Variants in DOCK7 observed in about 807,000 individuals in gnomAD.
DOCK7 encodes the protein dedicator of cytokinesis protein 7.
A neutral mutation model predicts 271.0 loss-of-function variants in DOCK7; 138 were observed. The observed-to-expected ratio is 0.51, with a 90% CI of 0.44 to 0.59. The LOEUF is 0.59. Among genes scored for constraint, DOCK7 ranks in the 20% least tolerant of loss-of-function variants. The pLI is 0.00. For missense variants in DOCK7, 2,066 were observed against 2,592.4 expected (o/e 0.80, Z 4.41); for synonymous variants, 823 against 876.1 (o/e 0.94, Z 1.07).
At position 62,543,567 on chromosome 1, in the gene DOCK7, T is replaced by A. The variant is rs879241832; in HGVS notation, c.2949+89A>T. The A allele has an allele frequency of 6.4e-6, 6 of 939,138 alleles. No homozygotes were observed. In the South Asian group the frequency reaches 8.6e-5, roughly 14 times the overall value. 58.2% of individuals were successfully genotyped at this position (939,138 alleles called of 1,614,324 possible). A position where few individuals can be genotyped will look rare whatever the true frequency, so the allele number is the denominator to read the frequency against. ...AAGCACAATGCAATTACTGTAAGTA[T>A]CTCATACTGGTTATGTAAAGAAATC... On this transcript the variant is annotated intron_variant, in intron 24 of 49. Coordinates refer to ENST00000635253, the MANE Select transcript of DOCK7 (RefSeq NM_001367561.1).
At chr1:62,673,598 T>C (rs770047832) in intron 1 of DOCK7, among the ~76,000 whole-genome samples, 3 of 152,178 alleles carry the variant, frequency 2.0e-5, no homozygotes, top group Non-Finnish European at 4.4e-5. Context: ...CCTAAAAGGA[T>C]ATAAATTTAT....
intron 14 of DOCK7, chr1:62,604,859 C>A: frequency 6.5e-7 from 1 of 1,549,434 alleles, no homozygotes; most frequent in Non-Finnish European, 8.8e-7. Context: ...ACATTAACCT[C>A]ATTCCAAGTT....
At chr1:62,542,299 A>G (rs1184071607) in intron 25 of DOCK7, among the ~76,000 whole-genome samples, 1 of 152,176 alleles carries the variant, frequency 6.6e-6, no homozygotes, top group Non-Finnish European at 1.5e-5. Context: ...CAATACTGTC[A>G]TTATACACTT....
At chr1:62,627,250 A>T (rs1311660676) in intron 11 of DOCK7, among the ~76,000 whole-genome samples, 1 of 152,210 alleles carries the variant, frequency 6.6e-6, no homozygotes, top group Non-Finnish European at 1.5e-5. Context: ...ACCAAAATAC[A>T]TCTATGAAAA....
In DOCK7 at chr1:62,636,575, C is replaced by A. The variant is rs759307230; in HGVS notation, c.847G>T (p.Ala283Ser). 1.2e-6 allele frequency: 2 copies of A among 1,601,440 alleles called. No homozygotes were observed. Among genetic ancestry groups the A allele is most frequent in the Non-Finnish European group, 8.5e-7 (1 of 1,172,656 alleles). Residue 283 changes from alanine to serine, a missense_variant, in exon 8 of 50, where the codon GCA becomes TCA. Ala to Ser is a moderately conservative substitution (Grantham distance 99). Transcript: ENST00000635253. The stretch of plus-strand genomic sequence containing the variant: ...TTGACATCATATAAAGCCAAACTTG[C>A]AAAAATGGGTTCAATTTCAATTTCA... ...KFEIEIEPIF[A>S]SLALYDVKEK...
chr1:62,653,298 A>T (rs1657601688), intron 4 of DOCK7, among the ~76,000 whole-genome samples: 1 of 152,230 alleles, frequency 6.6e-6, no homozygotes, highest in Non-Finnish European at 1.5e-5. Flanking sequence ...AAGACCTATA[A>T]ATATTAGTTA....
At position 62,455,333 on chromosome 1, in the gene DOCK7, A is replaced by T. The variant is rs559461705; in HGVS notation, c.*81T>A. The T allele has an allele frequency of 2.8e-6, 4 of 1,438,380 alleles. No homozygotes were observed. In the South Asian group the frequency reaches 3.5e-5, roughly 12 times the overall value. 89.1% of individuals were successfully genotyped at this position (1,438,380 alleles called of 1,614,324 possible). A position where few individuals can be genotyped will look rare whatever the true frequency, so the allele number is the denominator to read the frequency against. On this transcript the variant is annotated 3_prime_UTR_variant, in exon 50 of 50. Transcript: ENST00000635253. ...ATAATAATTTCCAGAATTCCATTCC[A>T]TGTTGTTTTCCAATAGATCTTTTCA...
chr1:62,549,818 A>G (rs905647435), intron 22 of DOCK7, among the ~76,000 whole-genome samples: 4 of 151,898 alleles, frequency 2.6e-5, no homozygotes, highest in Non-Finnish European at 4.4e-5. Context: ...CCCTCCTAAC[A>G]CCCACTGCCC....
intron 34 of DOCK7, among the ~76,000 whole-genome samples, chr1:62,510,111 T>G (rs1052735964): frequency 6.6e-6 from 1 of 152,212 alleles, no homozygotes; most frequent in Admixed American, 6.5e-5. Context: ...AGAAGATTCA[T>G]GTAAGTGTAT....
At chr1:62,483,209 T>TTTTTTTTTTTTTCTG (rs1217235928) in intron 43 of DOCK7, 1 of 74,400 alleles carries the variant, frequency 1.3e-5, no homozygotes. Flanking sequence ...TTTTTTTTTT[T>TTTTTTTTTTTTTCTG]TTGGGTAGAG....
At chr1:62,579,942 T>C (rs1253587966) in intron 16 of DOCK7, among the ~76,000 whole-genome samples, 5 of 152,098 alleles carry the variant, frequency 3.3e-5, no homozygotes, top group African/African-American at 7.2e-5. Context: ...CCAATGACAC[T>C]TTCTTCTCAA....
intron 1 of DOCK7, among the ~76,000 whole-genome samples, chr1:62,665,955 A>G (rs1172546642): frequency 6.6e-6 from 1 of 151,962 alleles, no homozygotes; most frequent in Non-Finnish European, 1.5e-5. Flanking sequence ...CAAGGTCATG[A>G]GATCAGGACC....
intron 21 of DOCK7, 58 bp from the exon 22 acceptor site, chr1:62,552,959 A>C (rs1645960266): frequency 5.3e-6 from 7 of 1,308,872 alleles, no homozygotes; most frequent in Non-Finnish European, 6.0e-6. Flanking sequence ...AAAGGATCTG[A>C]AAAAAAATCT....
chr1:62,534,024 A>G (rs1645260315), intron 29 of DOCK7, among the ~76,000 whole-genome samples: 1 of 151,484 alleles, frequency 6.6e-6, no homozygotes, highest in Non-Finnish European at 1.5e-5. Context: ...TTTGAGATGA[A>G]GTCTTGCTCT....
chr1:62,633,547 C>T lies in DOCK7; in HGVS notation c.1067G>A (p.Gly356Glu). The T allele has an allele frequency of 6.2e-7, 1 of 1,613,248 alleles. No individual in the cohort carries two copies. The highest frequency in any genetic ancestry group is 8.5e-7 in the Non-Finnish European group (1 of 1,179,646). ...AATCATATATGGTTCTGCACACTCT[C>T]CAATGTCTCCTTGCTGTAGGACTTT... ...LEKVLQQGDIGECAEPYMIFK... is the reference protein window; with the variant it reads ...LEKVLQQGDIEECAEPYMIFK... The change falls in exon 10 of 50, where the codon GGA (glycine) becomes GAA (glutamate). Residue 356 changes from glycine (G) to glutamate (E), a missense_variant. By Grantham distance (98) the Gly-to-Glu change is moderately conservative (BLOSUM62 -2). This residue lies in a region of DOCK7 where 1,414 missense variants were observed against 1,670.4 expected (regional missense o/e 0.85). Coordinates refer to ENST00000635253, the MANE Select transcript of DOCK7 (RefSeq NM_001367561.1).
chr1:62,582,549 CAAAAAAAAAAAAAA>C (rs34110232), intron 16 of DOCK7, among the ~76,000 whole-genome samples: 13 of 16,872 alleles, frequency 7.7e-4, no homozygotes, highest in South Asian at 3.2e-3. Flanking sequence ...GACTCCGTCT[CAAAAAAAAAAAAAA>C]AAAAAAAAAA....
intron 9 of DOCK7, 152 bp downstream of exon 9, chr1:62,634,621 C>A: frequency 1.5e-6 from 1 of 686,670 alleles, no homozygotes; most frequent in African/African-American, 1.8e-5. Flanking sequence ...AATTAGGTAG[C>A]ACCTACTGTG....
chr1:62,554,071 G>C (rs1448193042), intron 21 of DOCK7, among the ~76,000 whole-genome samples: 1 of 152,066 alleles, frequency 6.6e-6, no homozygotes, highest in East Asian at 1.9e-4. Flanking sequence ...TTAAATGAGA[G>C]CATGTTTCAT....
intron 16 of DOCK7, among the ~76,000 whole-genome samples, chr1:62,579,695 G>GAAAAA (rs34924913): frequency 4.1e-4 from 26 of 63,886 alleles, no homozygotes; most frequent in East Asian, 5.5e-4. Context: ...GAGTGAGACC[G>GAAAAA]AAAAAAAAAA....
Sources: allele counts gnomAD v4.1 joint callset (sites outside exome capture counted in the v4.1 genomes callset), GRCh38; gene constraint gnomAD v4.1.1; regional missense constraint gnomAD v4.1.1; transcripts MANE v1.5; gene names NCBI Gene and HGNC (gene_info 2026-07-23, HGNC 2026-07-21).